ENPP6: variants seen among roughly 807,000 people sequenced by gnomAD.
The protein encoded by ENPP6 is ectonucleotide pyrophosphatase/phosphodiesterase 6, also known as glycerophosphocholine cholinephosphodiesterase ENPP6.
A neutral mutation model predicts 42.0 loss-of-function variants in ENPP6; 32 were observed. The observed-to-expected ratio is 0.76, with a 90% CI of 0.58 to 1.02. ENPP6 has a LOEUF of 1.02. Ranked by LOEUF, ENPP6 falls within the 50% of genes least tolerant of loss-of-function variation. The pLI is 0.00. For missense variants in ENPP6, 552 were observed against 566.8 expected (o/e 0.97, Z 0.27); for synonymous variants, 213 against 216.0 (o/e 0.99, Z 0.12).
chr4:184,128,609 TAC>T (rs1268988901), intron 2 of ENPP6, among the ~76,000 whole-genome samples: 1 of 147,720 alleles, frequency 6.8e-6, no homozygotes, highest in Non-Finnish European at 1.5e-5. Flanking sequence ...AAAAAAAACC[TAC>T]ACACACAAAG....
chr4:184,095,132 C>T (rs549082984), intron 7 of ENPP6, among the ~76,000 whole-genome samples: 1 of 152,228 alleles, frequency 6.6e-6, no homozygotes, highest in Non-Finnish European at 1.5e-5. Context: ...GCGGGAGGCT[C>T]TCCACGCTGT....
chr4:184,202,723 A>C (rs1561010483), intron 1 of ENPP6, among the ~76,000 whole-genome samples: 2 of 152,130 alleles, frequency 1.3e-5, no homozygotes, highest in Non-Finnish European at 2.9e-5. Context: ...ATCGGAGGGG[A>C]GGTCATTCCT....
chr4:184,116,427 A>T (rs1356906838), intron 5 of ENPP6, among the ~76,000 whole-genome samples: 1 of 152,058 alleles, frequency 6.6e-6, no homozygotes, highest in African/African-American at 2.4e-5. Context: ...ACTGCTCTGT[A>T]TGTCAGTATT....
chr4:184,142,343 A>C (rs775420308), intron 2 of ENPP6, among the ~76,000 whole-genome samples: 3 of 152,200 alleles, frequency 2.0e-5, no homozygotes, highest in Non-Finnish European at 2.9e-5. Context: ...GTCTCAAGAG[A>C]GCTTATTAAA....
rs539974415 is a variant in ENPP6, at chr4:184,092,813, CAA to C, written c.1118-1433_1118-1432del. 2.2e-3 allele frequency among the ~76,000 whole-genome samples: 337 copies of C among 152,194 alleles called. 2 individuals carry two copies. The highest frequency in any genetic ancestry group is 7.4e-3 in the African/African-American group (306 of 41,520). On this transcript the variant is annotated intron_variant, in intron 7 of 7. Coordinates refer to ENST00000296741, the MANE Select transcript of ENPP6 (RefSeq NM_153343.4). ...ATGAGTTGTTTGGGGGCCGTAAAGC[CAA>C]GTTTTTTAAGATATTAGAAATAATC...
At chr4:184,161,955 C>T (rs1235150637) in intron 1 of ENPP6, among the ~76,000 whole-genome samples, 1 of 151,974 alleles carries the variant, frequency 6.6e-6, no homozygotes. Flanking sequence ...GATGGGTGTA[C>T]CAAAATCTCA....
rs557298663 is a variant in ENPP6 at position 184,090,175 on chromosome 4, A to G, written c.*1002T>C. ...GGTGTCCAGGATTAAGGCTTAGTGCATCACCTCTCTGAGCAACCCACCGAG... is the reference window on the plus strand; with the variant it reads ...GGTGTCCAGGATTAAGGCTTAGTGCGTCACCTCTCTGAGCAACCCACCGAG... On this transcript the variant is annotated 3_prime_UTR_variant, in exon 8 of 8. Coordinates refer to ENST00000296741, the MANE Select transcript of ENPP6 (RefSeq NM_153343.4). The G allele has an allele frequency of 2.0e-5, 3 of 147,652 alleles. No homozygotes were observed. The highest frequency in any genetic ancestry group is 6.8e-3 in the Middle Eastern group (2 of 292). 9.1% of individuals were successfully genotyped at this position (147,652 alleles called of 1,614,324 possible). A position where few individuals can be genotyped will look rare whatever the true frequency, so the allele number is the denominator to read the frequency against.
chr4:184,131,520 A>ATTTTTTTTTTTTTTTTT (rs58927070), intron 2 of ENPP6, among the ~76,000 whole-genome samples: 4 of 136,708 alleles, frequency 2.9e-5, no homozygotes, highest in Non-Finnish European at 3.1e-5. Context: ...TGCCCAGCTA[A>ATTTTTTTTTTTTTTTTT]TTTTTTTTTT....
intron 5 of ENPP6, among the ~76,000 whole-genome samples, chr4:184,114,548 A>C (rs1736282539): frequency 6.6e-6 from 1 of 152,120 alleles, no homozygotes; most frequent in Non-Finnish European, 1.5e-5. Flanking sequence ...AGCGACACAC[A>C]GCAGGTCTCA....
chr4:184,172,079 A>G (rs1037406248), intron 1 of ENPP6, among the ~76,000 whole-genome samples: 6 of 152,232 alleles, frequency 3.9e-5, no homozygotes, highest in Admixed American at 6.5e-5. Context: ...ACGAGGACAC[A>G]GCCATGGGAA....
At position 184,117,904 on chromosome 4, in the gene ENPP6, G is replaced by A; in HGVS notation, c.534-4C>T. On this transcript the variant is annotated splice_polypyrimidine_tract_variant and splice_region_variant and intron_variant, in intron 3 of 7. Coordinates refer to ENST00000296741, the MANE Select transcript of ENPP6 (RefSeq NM_153343.4). ...TGCCAGGTCGGCCCGGCCACTCCTGGAGGGACAGAGGAGAGAGGCATAGGT... is the reference window on the plus strand; with the variant it reads ...TGCCAGGTCGGCCCGGCCACTCCTGAAGGGACAGAGGAGAGAGGCATAGGT... 1 of 1,613,798 alleles carries A rather than the reference G, an allele frequency of 6.2e-7. No homozygotes were observed. Among genetic ancestry groups the A allele is most frequent in the Non-Finnish European group, 8.5e-7 (1 of 1,179,874 alleles).
At chr4:184,152,091 C>G (rs1044377404) in intron 2 of ENPP6, among the ~76,000 whole-genome samples, 2 of 152,194 alleles carry the variant, frequency 1.3e-5, no homozygotes, top group African/African-American at 4.8e-5. Context: ...TTGCTTGGCC[C>G]AGCTGTGAAT....
At chr4:184,130,884 C>T (rs189166586) in intron 2 of ENPP6, among the ~76,000 whole-genome samples, 2 of 152,148 alleles carry the variant, frequency 1.3e-5, no homozygotes, top group East Asian at 1.9e-4. Flanking sequence ...ACAGAAGTTC[C>T]GTTATGTGAC....
chr4:184,126,720 C>G (rs951940390), intron 2 of ENPP6, among the ~76,000 whole-genome samples: 4 of 152,198 alleles, frequency 2.6e-5, no homozygotes, highest in Non-Finnish European at 4.4e-5. Flanking sequence ...GGACAAATTG[C>G]AAGACTTGCT....
chr4:184,117,803 T>C lies in ENPP6; in HGVS notation c.631A>G (p.Lys211Glu), dbSNP rs1405038585. 4 of 1,614,208 alleles carry C rather than the reference T, an allele frequency of 2.5e-6. No homozygotes were observed. Among genetic ancestry groups the C allele is most frequent in the Non-Finnish European group, 2.5e-6 (3 of 1,180,032 alleles). ...TACTTCAGGACAGTGTCTACAGCCT[T>C]GAGGGCATCTTTCCTCTGCGGAGAT... ...PASPQRKDALKAVDTVLKYMT... is the reference protein window; with the variant it reads ...PASPQRKDALEAVDTVLKYMT... The change falls in exon 4 of 8, where the codon AAG becomes GAG. Residue 211 changes from lysine to glutamate, a missense_variant. Lys to Glu is a moderately conservative substitution (Grantham distance 56). This residue lies in a region of ENPP6 where 545 missense variants were observed against 546.3 expected (regional missense o/e 1.00). Coordinates refer to ENST00000296741, the MANE Select transcript of ENPP6 (RefSeq NM_153343.4).
intron 1 of ENPP6, among the ~76,000 whole-genome samples, chr4:184,211,303 G>A (rs573715688): frequency 0.033 from 5,047 of 152,098 alleles, 274 homozygotes; most frequent in African/African-American, 0.12. Flanking sequence ...CCAGGAGCTG[G>A]TTTTTTGAAA....
chr4:184,113,979 C>CTTTTTTTT (rs1736273230), intron 5 of ENPP6, among the ~76,000 whole-genome samples: 1 of 106,872 alleles, frequency 9.4e-6, no homozygotes, highest in Non-Finnish European at 2.0e-5. Context: ...TTCTTTCTTT[C>CTTTTTTTT]TTTTTGATGG....
chr4:184,197,000 T>C (rs1732811235), intron 1 of ENPP6, among the ~76,000 whole-genome samples: 2 of 152,254 alleles, frequency 1.3e-5, no homozygotes, highest in African/African-American at 2.4e-5. Flanking sequence ...GTAAAGTCTC[T>C]TTGTTTTTAT....
intron 6 of ENPP6, 180 bp downstream of exon 6, chr4:184,112,492 G>A (rs1333656090): frequency 2.7e-6 from 2 of 745,032 alleles, no homozygotes; most frequent in African/African-American, 1.8e-5. Flanking sequence ...CGCGTCTACA[G>A]TTGTGTCTAC....
Sources: allele counts gnomAD v4.1 joint callset (sites outside exome capture counted in the v4.1 genomes callset), GRCh38; gene constraint gnomAD v4.1.1; regional missense constraint gnomAD v4.1.1; transcripts MANE v1.5; gene names NCBI Gene and HGNC (gene_info 2026-07-23, HGNC 2026-07-21).